DIPK1A: variants seen among roughly 807,000 people sequenced by gnomAD.
DIPK1A encodes the protein divergent protein kinase domain 1A, also known as family with sequence similarity 69 member A.
In DIPK1A, 27 loss-of-function variants were observed where a neutral mutation model predicts 40.8. The observed-to-expected ratio is 0.66, with a 90% confidence interval of 0.49 to 0.91. The LOEUF (loss-of-function observed/expected upper bound fraction) is 0.91, where lower values mean the gene tolerates loss of function less well. DIPK1A is among the 40% of genes least tolerant of loss of function. The pLI is 0.00. For missense variants in DIPK1A, 412 were observed against 505.7 expected, an observed-to-expected ratio of 0.81 and a Z score of 1.78; for synonymous variants, 166 against 171.3, an observed-to-expected ratio of 0.97 and a Z score of 0.24.
At chr1:92,928,613 A>T (rs1650613526) in intron 1 of DIPK1A, among the ~76,000 whole-genome samples, 1 of 152,120 alleles carries the variant, frequency 6.6e-6, no homozygotes, top group Non-Finnish European at 1.5e-5. Context: ...TCTTGTTTTT[A>T]TCTGAAAAAT....
chr1:92,893,907 G>A (rs1478552955), intron 1 of DIPK1A, among the ~76,000 whole-genome samples: 1 of 150,932 alleles, frequency 6.6e-6, no homozygotes, highest in African/African-American at 2.4e-5. Context: ...AGACAAAGAA[G>A]GCCATTACAT....
chr1:92,941,808 T>A (rs760078761), intron 1 of DIPK1A, among the ~76,000 whole-genome samples: 1 of 152,116 alleles, frequency 6.6e-6, no homozygotes, highest in Non-Finnish European at 1.5e-5. Flanking sequence ...ATCCACACTC[T>A]ATACTCGAAA....
intron 1 of DIPK1A, among the ~76,000 whole-genome samples, chr1:92,960,675 A>G (rs909508092): frequency 6.6e-6 from 1 of 152,200 alleles, no homozygotes; most frequent in Non-Finnish European, 1.5e-5. Flanking sequence ...CGTTTGCATT[A>G]CTAGGGTATT....
At chr1:92,925,486 G>GT (rs948284466) in intron 1 of DIPK1A, among the ~76,000 whole-genome samples, 2 of 151,718 alleles carry the variant, frequency 1.3e-5, no homozygotes, top group Non-Finnish European at 2.9e-5. Flanking sequence ...GTTTTTTGGG[G>GT]TTTTTTTGTT....
chr1:92,865,685 CTT>C (rs1209381310), intron 2 of DIPK1A, among the ~76,000 whole-genome samples: 3 of 152,158 alleles, frequency 2.0e-5, no homozygotes, highest in African/African-American at 7.2e-5. Context: ...AAACAGTAAA[CTT>C]GAATTCAAAT....
chr1:92,956,345 G>A (rs544709153), intron 1 of DIPK1A, among the ~76,000 whole-genome samples: 2 of 152,296 alleles, frequency 1.3e-5, no homozygotes, highest in East Asian at 3.9e-4. Flanking sequence ...GCAACTAATG[G>A]TAATATCAAG....
At chr1:92,861,321 C>CTTTTTTTTTTTT (rs71230876) in intron 2 of DIPK1A, among the ~76,000 whole-genome samples, 2 of 83,546 alleles carry the variant, frequency 2.4e-5, no homozygotes, top group Admixed American at 2.0e-4. Flanking sequence ...CTCTCTCTCT[C>CTTTTTTTTTTTT]TTTTTTTTTT....
chr1:92,950,403 A>C (rs932261194), intron 1 of DIPK1A, among the ~76,000 whole-genome samples: 1 of 152,202 alleles, frequency 6.6e-6, no homozygotes, highest in African/African-American at 2.4e-5. Flanking sequence ...AGAACTCTGC[A>C]TAGACTCCTA....
At chr1:92,948,213 A>C (rs973048448) in intron 1 of DIPK1A, among the ~76,000 whole-genome samples, 2 of 152,146 alleles carry the variant, frequency 1.3e-5, no homozygotes, top group Admixed American at 1.3e-4. Flanking sequence ...AGCTGACAGA[A>C]AGTGGGAGGG....
In DIPK1A at chr1:92,842,810, A is replaced by T. The variant is rs1458418654; in HGVS notation, c.*573T>A. 1.0e-6 allele frequency: 1 copy of T among 985,368 alleles called. No homozygotes were observed. The highest frequency in any genetic ancestry group is 1.1e-4 in the East Asian group (1 of 8,838). The allele number at this position is 985,368 out of a possible 1,614,324, so 61.0% of individuals were successfully genotyped here. ...TTTCTTGAAGTAAGCCACTTGAACC[A>T]TTGTGAAGCTACACATAACTTGATG... On this transcript the variant is annotated 3_prime_UTR_variant, in exon 5 of 5. Transcript: ENST00000370310.
chr1:92,951,501 G>GA (rs755306865), intron 1 of DIPK1A, among the ~76,000 whole-genome samples: 1 of 152,202 alleles, frequency 6.6e-6, no homozygotes, highest in African/African-American at 2.4e-5. Flanking sequence ...TTGGAGCAGA[G>GA]AAACAGCTGA....
chr1:92,920,432 A>G (rs1276233816), intron 1 of DIPK1A, among the ~76,000 whole-genome samples: 1 of 152,222 alleles, frequency 6.6e-6, no homozygotes, highest in African/African-American at 2.4e-5. Context: ...GCCACGTGGA[A>G]CTGTGAGTCA....
At position 92,877,499 on chromosome 1, in the gene DIPK1A, T is replaced by C. The variant is rs1648181862; in HGVS notation, c.55-1069A>G. 9.2e-5 allele frequency among the ~76,000 whole-genome samples: 14 copies of C among 152,326 alleles called. 1 individual carries two copies. The South Asian group carries it at 2.9e-3, about 32-fold the overall frequency. ...GAGATGAGAGAGACATAAGCACACC[T>C]GCAGAAGACAATGAGTGCAAAGGAA... is the stretch of plus-strand genomic sequence containing the variant. On this transcript the variant is annotated intron_variant, in intron 1 of 4. Coordinates refer to ENST00000370310, the MANE Select transcript of DIPK1A (RefSeq NM_001006605.5).
At chr1:92,942,909 C>T (rs1438745446) in intron 1 of DIPK1A, among the ~76,000 whole-genome samples, 13 of 152,210 alleles carry the variant, frequency 8.5e-5, no homozygotes, top group East Asian at 1.9e-4. Context: ...ATGATTCGCC[C>T]GCCTCGGCCT....
intron 3 of DIPK1A, among the ~76,000 whole-genome samples, chr1:92,850,249 C>G (rs930387815): frequency 6.6e-6 from 1 of 152,132 alleles, no homozygotes; most frequent in Non-Finnish European, 1.5e-5. Flanking sequence ...GGATTACATG[C>G]GTGAGCCACC....
At chr1:92,904,747 G>C (rs1430439831) in intron 1 of DIPK1A, among the ~76,000 whole-genome samples, 1 of 151,576 alleles carries the variant, frequency 6.6e-6, no homozygotes, top group Non-Finnish European at 1.5e-5. Context: ...ACAAATACTA[G>C]ATCTTATTCA....
downstream of DIPK1A, chr1:92,837,607 A>T: frequency 6.2e-7 from 1 of 1,612,192 alleles, no homozygotes; most frequent in Non-Finnish European, 8.5e-7. Flanking sequence ...CTCTCAATAC[A>T]TAAAGAACAG....
At chr1:92,865,371 A>C (rs1253493837) in intron 2 of DIPK1A, among the ~76,000 whole-genome samples, 1 of 152,100 alleles carries the variant, frequency 6.6e-6, no homozygotes, top group Non-Finnish European at 1.5e-5. Flanking sequence ...TCCAAACAAA[A>C]CAAAAAAAGC....
At chr1:92,949,773 A>C (rs1651556298) in intron 1 of DIPK1A, among the ~76,000 whole-genome samples, 1 of 152,238 alleles carries the variant, frequency 6.6e-6, no homozygotes, top group African/African-American at 2.4e-5. Flanking sequence ...AGTTTGTATC[A>C]TAAGCTCATC....
Sources: gnomAD v4.1 joint callset for allele counts (sites outside exome capture counted in the v4.1 genomes callset) on GRCh38, gnomAD v4.1.1 for gene constraint, MANE v1.5 for transcripts, NCBI Gene and HGNC (gene_info 2026-07-23, HGNC 2026-07-21) for gene names.